Variants in FOCAD observed in about 807,000 individuals in gnomAD.
FOCAD encodes KIAA1797.
A neutral mutation model predicts 225.6 loss-of-function variants in FOCAD; 198 were observed. That is an observed-to-expected ratio of 0.88 (90% confidence interval 0.78 to 0.99). FOCAD has a LOEUF of 0.99. Ranked by LOEUF, FOCAD falls within the 50% of genes least tolerant of loss-of-function variation. FOCAD has a pLI of 0.00. For synonymous variants in FOCAD, 897 were observed against 755.0 expected (o/e 1.19, Z -3.08); for missense variants, 2,713 against 2,123.6 (o/e 1.28, Z -5.46).
At chr9:20,899,718 G>C (rs977100682) in intron 21 of FOCAD, among the ~76,000 whole-genome samples, 1 of 151,942 alleles carries the variant, frequency 6.6e-6, no homozygotes, top group African/African-American at 2.4e-5. Flanking sequence ...GCTATGGAGA[G>C]CTAGCTGTTT....
At chr9:20,988,227 A>T in intron 40 of FOCAD, 105 bp from the exon 41 acceptor site, 1 of 614,880 alleles carries the variant, frequency 1.6e-6, no homozygotes, top group Non-Finnish European at 2.8e-6. Context: ...TGGTTAATGG[A>T]ATCCTCACCA....
At chr9:20,688,343 A>G (rs1218439547) in intron 1 of FOCAD, among the ~76,000 whole-genome samples, 1 of 152,178 alleles carries the variant, frequency 6.6e-6, no homozygotes, top group African/African-American at 2.4e-5. Context: ...TAGTGGCCAG[A>G]TGGATGTAGG....
chr9:20,842,271 C>G (rs1826615497), intron 15 of FOCAD, among the ~76,000 whole-genome samples: 1 of 151,804 alleles, frequency 6.6e-6, no homozygotes, highest in African/African-American at 2.4e-5. Flanking sequence ...TCTATTTGTT[C>G]TGTACTGCTT....
At chr9:20,780,567 A>G (rs11795090) in intron 9 of FOCAD, among the ~76,000 whole-genome samples, 10 of 152,036 alleles carry the variant, frequency 6.6e-5, no homozygotes, top group Non-Finnish European at 1.5e-4. Context: ...GGGAAAGAGT[A>G]TTCAAAGAAA....
intron 15 of FOCAD, among the ~76,000 whole-genome samples, chr9:20,845,054 G>T (rs1489135565): frequency 1.3e-5 from 2 of 152,066 alleles, no homozygotes; most frequent in Non-Finnish European, 2.9e-5. Context: ...ATAGAGGGCA[G>T]AGTTTATTAT....
At chr9:20,747,291 C>T (rs1004368156) in intron 5 of FOCAD, among the ~76,000 whole-genome samples, 7 of 152,064 alleles carry the variant, frequency 4.6e-5, no homozygotes, top group Non-Finnish European at 8.8e-5. Flanking sequence ...ATATCAGATT[C>T]TGATTTGGAC....
chr9:20,780,619 A>T (rs1282059091), intron 9 of FOCAD, among the ~76,000 whole-genome samples: 2 of 152,106 alleles, frequency 1.3e-5, no homozygotes, highest in Non-Finnish European at 2.9e-5. Context: ...AATTTAAAAG[A>T]TTTATTTATA....
chr9:20,863,914 A>T (rs1829003724), intron 16 of FOCAD, among the ~76,000 whole-genome samples: 1 of 152,074 alleles, frequency 6.6e-6, no homozygotes, highest in Non-Finnish European at 1.5e-5. Context: ...GTGTTGGCTT[A>T]TCCATGGTTG....
intron 42 of FOCAD, among the ~76,000 whole-genome samples, chr9:20,991,320 T>C (rs753383437): frequency 6.6e-6 from 1 of 152,206 alleles, no homozygotes; most frequent in Non-Finnish European, 1.5e-5. Flanking sequence ...TTTTATGAAG[T>C]TGAAAGCTTC....
At chr9:20,790,264 C>A (rs771493322) in intron 11 of FOCAD, among the ~76,000 whole-genome samples, 2 of 151,786 alleles carry the variant, frequency 1.3e-5, no homozygotes, top group African/African-American at 4.8e-5. Context: ...CTTTTTTTTT[C>A]TCCAATTGAT....
chr9:20,918,279 T>TGCA (rs1834040746), intron 24 of FOCAD, among the ~76,000 whole-genome samples: 1 of 152,242 alleles, frequency 6.6e-6, no homozygotes, highest in Admixed American at 6.5e-5. Flanking sequence ...TCGTGTCTAG[T>TGCA]AGATATTGCA....
Position 20,797,088 on chromosome 9 carries a change from C to T in FOCAD, c.1455+7480C>T, listed in dbSNP as rs534357717. 9.9e-5 allele frequency among the ~76,000 whole-genome samples: 15 copies of T among 152,240 alleles called. No homozygotes were observed. In the South Asian group the frequency reaches 2.3e-3, roughly 23 times the overall value. ...TAAATAGGGAATCTTTAACCCATTT[C>T]TTGTTTTTTGTGAGGTCTGTCAAAG... On this transcript the variant is annotated intron_variant, in intron 11 of 43. Transcript: ENST00000338382.
chr9:20,774,587 T>C (rs1818571939), intron 8 of FOCAD, among the ~76,000 whole-genome samples: 1 of 152,224 alleles, frequency 6.6e-6, no homozygotes, highest in Admixed American at 6.5e-5. Flanking sequence ...TTAAAAAATA[T>C]TATGAATTCA....
chr9:20,808,427 C>G lies in FOCAD; in HGVS notation c.1456-11369C>G, dbSNP rs76793442. 8.1e-4 allele frequency among the ~76,000 whole-genome samples: 124 copies of G among 152,276 alleles called. 1 individual carries two copies. In the East Asian group the frequency reaches 0.022, roughly 27 times the overall value. On this transcript the variant is annotated intron_variant, in intron 11 of 43. Coordinates refer to ENST00000338382, the MANE Select transcript of FOCAD (RefSeq NM_001375567.1). ...TGTGTGAGAATGAATAACTGTGACCCTAAGTATACTGGAATAAAGGTGTGC... is the reference window on the plus strand; with the variant it reads ...TGTGTGAGAATGAATAACTGTGACCGTAAGTATACTGGAATAAAGGTGTGC...
chr9:20,986,266 A>ATTTTTTTTTTT lies in FOCAD; in HGVS notation c.4729-15_4729-5dup, dbSNP rs545976303. ...CAGTTAATTTAATAGTAACTAAACA[A>ATTTTTTTTTTT]TTTTTTTTTTTTTTTTTGCAGAGCA... On this transcript the variant is annotated intron_variant, in intron 39 of 43. Transcript: ENST00000338382. 1,638 of 709,542 alleles carry ATTTTTTTTTTT rather than the reference A, an allele frequency of 2.3e-3. 416 individuals are homozygous for ATTTTTTTTTTT. Among genetic ancestry groups the ATTTTTTTTTTT allele is most frequent in the Non-Finnish European group, 2.5e-3 (1,421 of 560,716 alleles). 44.0% of individuals were successfully genotyped at this position (709,542 alleles called of 1,614,324 possible). A position where few individuals can be genotyped will look rare whatever the true frequency, so the allele number is the denominator to read the frequency against.
chr9:20,731,224 C>T (rs1429684395), intron 4 of FOCAD, among the ~76,000 whole-genome samples: 2 of 150,148 alleles, frequency 1.3e-5, no homozygotes, highest in Admixed American at 6.6e-5. Context: ...GGTGACACAG[C>T]GAGACTTTGT....
chr9:20,755,165 A>G (rs751816781), intron 5 of FOCAD, among the ~76,000 whole-genome samples: 1 of 152,176 alleles, frequency 6.6e-6, no homozygotes, highest in Non-Finnish European at 1.5e-5. Flanking sequence ...ACTGTGTATC[A>G]TCACCTGCAA....
At position 20,990,228 on chromosome 9, in the gene FOCAD, C is replaced by T; in HGVS notation, c.5110C>T (p.Gln1704Ter). Residue 1704 changes from glutamine (Q) to a stop codon, truncating the protein, a stop_gained, in exon 42 of 44, where the codon CAG becomes TAG. Coordinates refer to ENST00000338382, the MANE Select transcript of FOCAD (RefSeq NM_001375567.1). LOFTEE classifies it high-confidence loss of function. ...CAGTGCCAGTTGGTTGCCATGGCAT[C>T]AGGAGAATGGCCCGGCTGGGCCAGT... ...GLSASWLPWH[Q>*]ENGPAGPVPS... The T allele has an allele frequency of 2.5e-6, 4 of 1,614,208 alleles. No individual in the cohort carries two copies. Among genetic ancestry groups the T allele is most frequent in the Non-Finnish European group, 2.5e-6 (3 of 1,180,026 alleles).
At chr9:20,952,295 A>G (rs1396769313) in intron 34 of FOCAD, 1 of 152,290 alleles carries the variant, frequency 6.6e-6, no homozygotes, top group Non-Finnish European at 1.5e-5. Context: ...ATGATTGTGT[A>G]TCTGGAAAAG....
Sources: gnomAD v4.1 joint callset for allele counts (sites outside exome capture counted in the v4.1 genomes callset) on GRCh38, gnomAD v4.1.1 for gene constraint, MANE v1.5 for transcripts, NCBI Gene and HGNC (gene_info 2026-07-23, HGNC 2026-07-21) for gene names.